Variants in ZNF131 observed in about 807,000 individuals in gnomAD.
ZNF131 encodes the protein zinc finger and BTB domain containing 35.
A neutral mutation model predicts 60.0 loss-of-function variants in ZNF131; 7 were observed. That is an observed-to-expected ratio of 0.12 (90% confidence interval 0.07 to 0.22). The LOEUF is 0.22. Ranked by LOEUF, ZNF131 falls within the 10% of genes least tolerant of loss-of-function variation. The probability of loss-of-function intolerance (pLI) is 1.00; values close to 1 mark genes in which losing one functional copy is unlikely to be tolerated. For synonymous variants in ZNF131, 257 were observed against 253.2 expected (o/e 1.01, Z -0.14); for missense variants, 493 against 740.9 (o/e 0.67, Z 3.88).
intron 3 of ZNF131, among the ~76,000 whole-genome samples, chr5:43,133,602 A>G (rs1187657610): frequency 6.6e-6 from 1 of 152,250 alleles, no homozygotes; most frequent in East Asian, 1.9e-4. Flanking sequence ...AGTAGTTTAC[A>G]GTCAAGAGAT....
In ZNF131 at chr5:43,161,354, A is replaced by C; in HGVS notation, c.477A>C (p.Pro159=). 5.0e-6 allele frequency: 8 copies of C among 1,614,282 alleles called. No individual in the cohort carries two copies. The highest frequency in any genetic ancestry group is 6.8e-6 in the Non-Finnish European group (8 of 1,180,044). Residue 159 remains proline (P), a synonymous_variant, in exon 5 of 7, where the codon CCA becomes CCC. Coordinates refer to ENST00000682664, the MANE Select transcript of ZNF131 (RefSeq NM_001330707.2). ...CAAATGTTATCACTGAGTCATTGCCATCTGCAGAATCAGAACCTGTTGAAA... is the reference window on the plus strand; with the variant it reads ...CAAATGTTATCACTGAGTCATTGCCCTCTGCAGAATCAGAACCTGTTGAAA... The part of the protein sequence containing the change: ...ETSNVITESL[P]SAESEPVEIE...
At chr5:43,166,922 T>C (rs1014366766) in intron 5 of ZNF131, among the ~76,000 whole-genome samples, 1 of 152,032 alleles carries the variant, frequency 6.6e-6, no homozygotes, top group Non-Finnish European at 1.5e-5. Flanking sequence ...CCTCCCAGAG[T>C]GCTGGGATTA....
At chr5:43,136,039 CG>C (rs1746039130) in intron 3 of ZNF131, among the ~76,000 whole-genome samples, 2 of 152,064 alleles carry the variant, frequency 1.3e-5, no homozygotes, top group African/African-American at 4.8e-5. Flanking sequence ...CGCTTGAACC[CG>C]GGAGGTGGTG....
At chr5:43,134,280 G>T (rs1036107801) in intron 3 of ZNF131, among the ~76,000 whole-genome samples, 2 of 152,178 alleles carry the variant, frequency 1.3e-5, no homozygotes, top group African/African-American at 4.8e-5. Flanking sequence ...AATGACGTGA[G>T]TATCTCAATA....
intron 3 of ZNF131, among the ~76,000 whole-genome samples, chr5:43,132,505 CTTTTTTT>C (rs4050538): frequency 5.3e-5 from 5 of 93,498 alleles, no homozygotes; most frequent in Non-Finnish European, 1.0e-4. Context: ...GAATGGTATT[CTTTTTTT>C]TTTTTTTTTT....
At chr5:43,145,450 T>C (rs1579799213) in intron 4 of ZNF131, among the ~76,000 whole-genome samples, 2 of 152,066 alleles carry the variant, frequency 1.3e-5, no homozygotes, top group Admixed American at 1.3e-4. Flanking sequence ...GTCAGGAGTT[T>C]GAGACCAGCC....
chr5:43,161,234 C>CGT lies in ZNF131; in HGVS notation c.372-15_372-14insGT, dbSNP rs754810715. On this transcript the variant is annotated splice_polypyrimidine_tract_variant and intron_variant, in intron 4 of 6. Coordinates refer to ENST00000682664, the MANE Select transcript of ZNF131 (RefSeq NM_001330707.2). ...TTCTTATAGATTTTTTAAACCCCTA[C>CGT]ATTATGTATTTCAGGAACAAAGAAA... The CGT allele has an allele frequency of 1.3e-5, 21 of 1,575,348 alleles. No homozygotes were observed. In the South Asian group the frequency reaches 1.7e-4, roughly 13 times the overall value.
intron 4 of ZNF131, among the ~76,000 whole-genome samples, chr5:43,146,498 G>GGCTGAA (rs975555178): frequency 3.3e-5 from 5 of 152,088 alleles, no homozygotes; most frequent in Admixed American, 6.6e-5. Flanking sequence ...CTGAGGCTGA[G>GGCTGAA]GCAGGAGAAT....
intron 5 of ZNF131, among the ~76,000 whole-genome samples, chr5:43,167,082 G>A (rs1750461486): frequency 6.6e-6 from 1 of 152,208 alleles, no homozygotes; most frequent in Non-Finnish European, 1.5e-5. Flanking sequence ...AGAGAGAAAA[G>A]CTGGTTGGTG....
chr5:43,156,895 T>A (rs1479884227), intron 4 of ZNF131, among the ~76,000 whole-genome samples: 1 of 151,836 alleles, frequency 6.6e-6, no homozygotes, highest in Non-Finnish European at 1.5e-5. Context: ...AAAAAAAAAA[T>A]TACACCTTAA....
chr5:43,141,920 T>A (rs993434730), intron 4 of ZNF131, among the ~76,000 whole-genome samples: 1 of 152,206 alleles, frequency 6.6e-6, no homozygotes, highest in Admixed American at 6.5e-5. Context: ...AGTAGTATTA[T>A]ATGTTGGCTG....
rs149464238 is a variant in ZNF131, at chr5:43,134,693, C to CTTTTTTT, written c.227-4456_227-4450dup. On this transcript the variant is annotated intron_variant, in intron 3 of 6. Coordinates refer to ENST00000682664, the MANE Select transcript of ZNF131 (RefSeq NM_001330707.2). ...AAAAGTCAGTTGCTTTTCTTTTTTT[C>CTTTTTTT]TTTTTTTTTTTTTTTTTTTTTTGGG... is the stretch of plus-strand genomic sequence containing the variant. 1.7e-4 allele frequency among the ~76,000 whole-genome samples: 15 copies of CTTTTTTT among 88,392 alleles called. 1 individual carries two copies. The highest frequency in any genetic ancestry group is 2.4e-4 in the Non-Finnish European group (12 of 49,230). The allele number at this position is 88,392 out of a possible 152,430, so 58.0% of individuals were successfully genotyped here. A position where few individuals can be genotyped will look rare whatever the true frequency, so the allele number is the denominator to read the frequency against.
chr5:43,124,722 C>T (rs1579696961), intron 3 of ZNF131: 1 of 152,138 alleles, frequency 6.6e-6, no homozygotes, highest in African/African-American at 2.4e-5. Flanking sequence ...ATACTTTTCT[C>T]CTCATCTGAA....
intron 5 of ZNF131, among the ~76,000 whole-genome samples, chr5:43,164,312 G>A (rs1193639680): frequency 1.3e-5 from 2 of 152,106 alleles, no homozygotes; most frequent in Admixed American, 6.6e-5. Flanking sequence ...TTTGCTATAC[G>A]AACCAATCCC....
chr5:43,174,986 G>C lies in ZNF131; in HGVS notation c.1725G>C (p.Glu575Asp). 1.9e-6 allele frequency: 3 copies of C among 1,614,124 alleles called. No individual in the cohort carries two copies. In the South Asian group the frequency reaches 3.3e-5, roughly 18 times the overall value. Reference protein sequence around the residue: ...DHVTPEIMNQEERESSQADAA... With the variant: ...DHVTPEIMNQDERESSQADAA... ...TGACCCCAGAAATCATGAACCAAGA[G>C]GAGAGAGAGTCTAGCCAAGCAGATG... Residue 575 changes from glutamate (E) to aspartate (D), a missense_variant, in exon 7 of 7, where the codon GAG (glutamate) becomes GAC (aspartate). By Grantham distance (45) the Glu-to-Asp change is conservative. Coordinates refer to ENST00000682664, the MANE Select transcript of ZNF131 (RefSeq NM_001330707.2).
chr5:43,137,367 T>A (rs1262492478), intron 3 of ZNF131, among the ~76,000 whole-genome samples: 1 of 152,064 alleles, frequency 6.6e-6, no homozygotes, highest in Non-Finnish European at 1.5e-5. Context: ...GTAAAAAATA[T>A]CTGCCCAATT....
rs187452251 is a variant in ZNF131, at chr5:43,174,273, T to C, written c.1186-174T>C. Among the ~76,000 whole-genome samples, 8 of 152,360 alleles carry C rather than the reference T, an allele frequency of 5.3e-5. No individual in the cohort carries two copies. The East Asian group carries it at 1.5e-3, about 29-fold the overall frequency. On this transcript the variant is annotated intron_variant, in intron 6 of 6. Coordinates refer to ENST00000682664, the MANE Select transcript of ZNF131 (RefSeq NM_001330707.2). ...GGTTACTAGCTGTGTCAGCTAGAAG[T>C]CCAAATGAACCAAAGAATTATGAAA...
chr5:43,122,122 A>G lies in ZNF131; in HGVS notation c.69A>G (p.Arg23=), dbSNP rs1208312455. ...AACATCATAAAATGATCCTCGACCG[A>G]TTGAATGAACAGCGAGAGCAGGACC... ...FPEHHKMILD[R]LNEQREQDRF... The change falls in exon 2 of 7, where the codon CGA becomes CGG. Residue 23 remains arginine (R), a synonymous_variant. Transcript: ENST00000682664. 3.7e-6 allele frequency: 6 copies of G among 1,613,872 alleles called. No individual in the cohort carries two copies. The highest frequency in any genetic ancestry group is 4.2e-6 in the Non-Finnish European group (5 of 1,179,926).
intron 3 of ZNF131, among the ~76,000 whole-genome samples, chr5:43,133,735 T>C (rs1367910949): frequency 6.6e-6 from 1 of 152,162 alleles, no homozygotes. Flanking sequence ...ATTTGAAAAA[T>C]CAGACCTTGG....
Sources: allele counts gnomAD v4.1 joint callset (sites outside exome capture counted in the v4.1 genomes callset), GRCh38; gene constraint gnomAD v4.1.1; transcripts MANE v1.5; gene names NCBI Gene and HGNC (gene_info 2026-07-23, HGNC 2026-07-21).